Variants in DNAH12 observed in about 807,000 individuals in gnomAD.
DNAH12 encodes the protein axonemal beta dynein heavy chain 12.
A neutral mutation model predicts 371.5 loss-of-function variants in DNAH12; 285 were observed. That is an observed-to-expected ratio of 0.77 (90% CI 0.70 to 0.85). The LOEUF is 0.85. DNAH12 is among the 40% of genes least tolerant of loss of function. The probability of loss-of-function intolerance (pLI) is 0.00; values close to 1 mark genes in which losing one functional copy is unlikely to be tolerated. For synonymous variants in DNAH12, 1,200 were observed against 1,213.0 expected (o/e 0.99, Z 0.22); for missense variants, 3,611 against 3,689.4 (o/e 0.98, Z 0.55).
intron 29 of DNAH12, among the ~76,000 whole-genome samples, chr3:57,437,652 G>C (rs2065170559): frequency 6.6e-6 from 1 of 152,170 alleles, no homozygotes; most frequent in Admixed American, 6.5e-5. Context: ...AGATTTTAAT[G>C]GTTGTGTGGG....
intron 11 of DNAH12, among the ~76,000 whole-genome samples, chr3:57,493,374 G>C (rs2067197768): frequency 6.6e-6 from 1 of 152,116 alleles, no homozygotes; most frequent in Non-Finnish European, 1.5e-5. Context: ...AAGTAATCTA[G>C]AGATAGTTTA....
In DNAH12 at chr3:57,314,563, A is replaced by T. The variant is rs1390302429; in HGVS notation, c.10593T>A (p.Gly3531=). The T allele has an allele frequency of 6.4e-7, 1 of 1,551,428 alleles. No homozygotes were observed. The highest frequency in any genetic ancestry group is 2.4e-5 in the East Asian group (1 of 40,910). ...HALVQERKKF[G]PLGWNIPYGF... is the part of the protein sequence containing the mutation. ...CATATGGAATATTCCAACCAAGAGGACCAAATTTCTTTCTCTCTTGCACAA... is the reference window on the plus strand; with the variant it reads ...CATATGGAATATTCCAACCAAGAGGTCCAAATTTCTTTCTCTCTTGCACAA... Residue 3531 remains glycine, a synonymous_variant, in exon 66 of 74, where the codon GGT becomes GGA. Coordinates refer to ENST00000495027, the MANE Select transcript of DNAH12 (RefSeq NM_001366028.2).
At chr3:57,364,508 A>C (rs2063004169) in intron 57 of DNAH12, among the ~76,000 whole-genome samples, 1 of 152,054 alleles carries the variant, frequency 6.6e-6, no homozygotes. Context: ...TTTAAAAAAA[A>C]TACATATTTG....
intron 16 of DNAH12, among the ~76,000 whole-genome samples, chr3:57,470,192 A>G (rs1218001540): frequency 6.6e-6 from 1 of 152,086 alleles, no homozygotes; most frequent in Non-Finnish European, 1.5e-5. Flanking sequence ...TGAGGGAGGC[A>G]TATCTCTCAC....
At chr3:57,543,937 C>G (rs2069412575) in intron 1 of DNAH12, among the ~76,000 whole-genome samples, 1 of 152,024 alleles carries the variant, frequency 6.6e-6, no homozygotes, top group Admixed American at 6.5e-5. Flanking sequence ...ATCCCAGCTA[C>G]TCAGGAGGCT....
chr3:57,325,781 G>A (rs2061928391), intron 62 of DNAH12, among the ~76,000 whole-genome samples: 1 of 152,070 alleles, frequency 6.6e-6, no homozygotes, highest in African/African-American at 2.4e-5. Flanking sequence ...AGCTACAGGA[G>A]GAAATTCAAA....
At chr3:57,409,194 T>A (rs887407454) in intron 39 of DNAH12, among the ~76,000 whole-genome samples, 1 of 152,130 alleles carries the variant, frequency 6.6e-6, no homozygotes. Flanking sequence ...CTGGAACCAC[T>A]CAGAGTAAAA....
chr3:57,398,410 A>G (rs997676843), intron 43 of DNAH12, among the ~76,000 whole-genome samples: 1 of 152,240 alleles, frequency 6.6e-6, no homozygotes, highest in Admixed American at 6.5e-5. Context: ...AAATCTCAGG[A>G]AAGAAGTGGA....
At chr3:57,333,584 G>A (rs1357498410) in intron 62 of DNAH12, among the ~76,000 whole-genome samples, 1 of 151,912 alleles carries the variant, frequency 6.6e-6, no homozygotes, top group Admixed American at 6.6e-5. Context: ...GTCCTCCTCG[G>A]CCTCCCAAAG....
chr3:57,407,370 G>A (rs2064070984), intron 40 of DNAH12, among the ~76,000 whole-genome samples: 1 of 151,452 alleles, frequency 6.6e-6, no homozygotes, highest in South Asian at 2.1e-4. Flanking sequence ...GTATTTTCCA[G>A]GACATGCCTG....
At chr3:57,300,537 C>G (rs1330616344) in intron 70 of DNAH12, among the ~76,000 whole-genome samples, 2 of 152,000 alleles carry the variant, frequency 1.3e-5, no homozygotes, top group African/African-American at 4.8e-5. Flanking sequence ...CACACACACA[C>G]CCACACACAC....
At chr3:57,402,239 T>C (rs1032273544) in intron 43 of DNAH12, among the ~76,000 whole-genome samples, 2 of 152,160 alleles carry the variant, frequency 1.3e-5, no homozygotes, top group Non-Finnish European at 2.9e-5. Context: ...CATTTCTCTA[T>C]GCTAAATTTT....
At chr3:57,460,121 C>G (rs1186867005) in intron 19 of DNAH12, among the ~76,000 whole-genome samples, 1 of 152,032 alleles carries the variant, frequency 6.6e-6, no homozygotes, top group Non-Finnish European at 1.5e-5. Flanking sequence ...TTGCCTCCCA[C>G]CCCAGGGAAC....
intron 9 of DNAH12, 85 bp from the exon 10 acceptor site, chr3:57,502,564 T>G: frequency 7.3e-7 from 1 of 1,371,976 alleles, no homozygotes; most frequent in African/African-American, 1.5e-5. Context: ...TTTTTTTTCC[T>G]TTGGAGACGG....
chr3:57,450,733 A>G (rs1007098306), intron 25 of DNAH12, among the ~76,000 whole-genome samples: 33 of 152,240 alleles, frequency 2.2e-4, no homozygotes, highest in African/African-American at 7.2e-4. Context: ...AGAACAAGAC[A>G]GACATAGTTC....
chr3:57,405,801 A>G lies in DNAH12; in HGVS notation c.6428T>C (p.Val2143Ala), dbSNP rs1467945100. Residue 2143 changes from valine to alanine, a missense_variant, in exon 41 of 74, where the codon GTG becomes GCG. By Grantham distance (64) the Val-to-Ala change is moderately conservative. Around this residue, in one of 3 missense-constraint regions of DNAH12, gnomAD observed 2,266 missense variants for 2,236.9 expected, o/e 1.01. Coordinates refer to ENST00000495027, the MANE Select transcript of DNAH12 (RefSeq NM_001366028.2). ...ATAAAACACTCGGAGAACCTCATGC[A>G]CAAACAGACGGATCATAGTGTGTTT... ...ANKHTMIRLF[V>A]HEVLRVFYDR... is the part of the protein sequence containing the mutation. 2 of 1,551,730 alleles carry G rather than the reference A, an allele frequency of 1.3e-6. No individual in the cohort carries two copies. The highest frequency in any genetic ancestry group is 8.7e-7 in the Non-Finnish European group (1 of 1,146,998).
At chr3:57,527,636 G>A (rs2068695598) in intron 2 of DNAH12, among the ~76,000 whole-genome samples, 1 of 152,146 alleles carries the variant, frequency 6.6e-6, no homozygotes, top group South Asian at 2.1e-4. Context: ...AACCATTTAT[G>A]AGACATCTAC....
intron 17 of DNAH12, among the ~76,000 whole-genome samples, chr3:57,464,316 G>A (rs2066137636): frequency 6.6e-6 from 1 of 152,044 alleles, no homozygotes; most frequent in Admixed American, 6.6e-5. Context: ...GCACCACACT[G>A]TAGGAGGTTT....
intron 4 of DNAH12, among the ~76,000 whole-genome samples, chr3:57,514,169 G>A (rs1272893376): frequency 6.6e-6 from 1 of 151,992 alleles, no homozygotes; most frequent in East Asian, 1.9e-4. Flanking sequence ...TGAGGCGGGC[G>A]GATCACCTGA....
Sources: allele counts gnomAD v4.1 joint callset (sites outside exome capture counted in the v4.1 genomes callset), GRCh38; gene constraint gnomAD v4.1.1; regional missense constraint gnomAD v4.1.1; transcripts MANE v1.5; gene names NCBI Gene and HGNC (gene_info 2026-07-23, HGNC 2026-07-21).